ZBTB41: variants seen among roughly 807,000 people sequenced by gnomAD.
The protein encoded by ZBTB41 is zinc finger and BTB domain containing 41.
In ZBTB41, 42 loss-of-function variants were observed where a neutral mutation model predicts 87.6. The ratio of observed to expected loss-of-function variants is 0.48; its 90% CI spans 0.37 to 0.62. The LOEUF (loss-of-function observed/expected upper bound fraction) is 0.62. Among genes scored for constraint, ZBTB41 ranks in the 20% least tolerant of loss-of-function variants. The pLI is 0.00. For missense variants in ZBTB41, 799 were observed against 1,078.9 expected (o/e 0.74, Z 3.63); for synonymous variants, 364 against 364.0 (o/e 1.00, Z 0.00).
At chr1:197,196,700 T>A (rs1368430373) in intron 2 of ZBTB41, among the ~76,000 whole-genome samples, 1 of 152,206 alleles carries the variant, frequency 6.6e-6, no homozygotes, top group Non-Finnish European at 1.5e-5. Flanking sequence ...ATACAAGACA[T>A]ACAAAATCTG....
Position 197,156,417 on chromosome 1 carries a change from T to C in ZBTB41, c.*2942A>G, listed in dbSNP as rs1659070516. 1.3e-5 allele frequency: 2 copies of C among 152,188 alleles called. 1 individual carries two copies. The highest frequency in any genetic ancestry group is 4.1e-4 in the South Asian group (2 of 4,830). The allele number at this position is 152,188 out of a possible 1,614,324, so 9.4% of individuals were successfully genotyped here. A position where few individuals can be genotyped will look rare whatever the true frequency, so the allele number is the denominator to read the frequency against. Reference sequence around the variant, plus strand: ...AGATTAAGTGCTAACTGCTATCTGCTAAAAAATTAATTTAAAACAATAAAT... The same window carrying C: ...AGATTAAGTGCTAACTGCTATCTGCCAAAAAATTAATTTAAAACAATAAAT... On this transcript the variant is annotated 3_prime_UTR_variant, in exon 11 of 11. Coordinates refer to ENST00000367405, the MANE Select transcript of ZBTB41 (RefSeq NM_194314.3).
At chr1:197,168,748 T>A (rs939339202) in intron 10 of ZBTB41, among the ~76,000 whole-genome samples, 1 of 151,784 alleles carries the variant, frequency 6.6e-6, no homozygotes, top group Non-Finnish European at 1.5e-5. Flanking sequence ...AAGAAAAAAA[T>A]GGTACATGAC....
At chr1:197,188,507 G>T in intron 4 of ZBTB41, 68 bp from the exon 5 acceptor site, 1 of 1,383,194 alleles carries the variant, frequency 7.2e-7, no homozygotes, top group Non-Finnish European at 9.7e-7. Flanking sequence ...AGCTTGTAAT[G>T]AGAAGAAAAC....
intron 10 of ZBTB41, among the ~76,000 whole-genome samples, chr1:197,169,707 A>T (rs77188150): frequency 1.3e-5 from 2 of 151,786 alleles, no homozygotes; most frequent in Non-Finnish European, 2.9e-5. Flanking sequence ...ATACTTCAAT[A>T]AAAAAAAGCT....
chr1:197,198,339 T>TAATG (rs1252261830), intron 2 of ZBTB41, among the ~76,000 whole-genome samples: 5 of 152,202 alleles, frequency 3.3e-5, no homozygotes, highest in African/African-American at 1.2e-4. Context: ...TGTCAGCGTA[T>TAATG]AATGCAACAT....
At position 197,158,542 on chromosome 1, in the gene ZBTB41, GAAAT is replaced by G. The variant is rs1382479783; in HGVS notation, c.*813_*816del. On this transcript the variant is annotated 3_prime_UTR_variant, in exon 11 of 11. Transcript: ENST00000367405. ...GCTATGTTGTATTGTCAACATTTCT[GAAAT>G]AAATAGTAAAGTACAAAAGGTGAAC... is the stretch of plus-strand genomic sequence containing the variant. The G allele has an allele frequency of 6.6e-6, 1 of 152,376 alleles. No homozygotes were observed. The highest frequency in any genetic ancestry group is 1.5e-5 in the Non-Finnish European group (1 of 67,920). The allele number at this position is 152,376 out of a possible 1,614,324, so 9.4% of individuals were successfully genotyped here.
At chr1:197,169,520 A>T (rs1659428368) in intron 10 of ZBTB41, among the ~76,000 whole-genome samples, 1 of 152,066 alleles carries the variant, frequency 6.6e-6, no homozygotes, top group Non-Finnish European at 1.5e-5. Flanking sequence ...TGGTGCTATT[A>T]ATATAAGTCA....
At chr1:197,172,013 A>G (rs549352936) in intron 10 of ZBTB41, 147 bp downstream of exon 10, 131 of 323,886 alleles carry the variant, frequency 4.0e-4, no homozygotes, top group African/African-American at 2.7e-3. Context: ...CATGAACTTC[A>G]ATATAATAAG....
Position 197,191,895 on chromosome 1 carries a change from T to G in ZBTB41, c.1125A>C (p.Lys375Asn), listed in dbSNP as rs769611369. 1 of 1,582,914 alleles carries G rather than the reference T, an allele frequency of 6.3e-7. No homozygotes were observed. The highest frequency in any genetic ancestry group is 1.2e-5 in the South Asian group (1 of 83,598). ...KCDKTFDRIG[K>N]YESHTRVHTG... is the part of the protein sequence containing the mutation. ...TGTGAACACGGGTGTGGCTCTCATA[T>G]TTTCCTATAAAAAAAGAAAAATTAA... is the stretch of plus-strand genomic sequence containing the variant. Residue 375 changes from lysine (K) to asparagine (N), a missense_variant, in exon 3 of 11, where the codon AAA (lysine) becomes AAC (asparagine). Transcript: ENST00000367405.
At chr1:197,193,738 A>AT (rs1426360517) in intron 2 of ZBTB41, among the ~76,000 whole-genome samples, 9 of 152,192 alleles carry the variant, frequency 5.9e-5, no homozygotes, top group Admixed American at 4.6e-4. Context: ...ATCAGACCAA[A>AT]TACTGGGAAA....
At chr1:197,175,448 A>ATATATATATATATATATATATG (rs1197311649) in intron 8 of ZBTB41, among the ~76,000 whole-genome samples, 1 of 142,490 alleles carries the variant, frequency 7.0e-6, no homozygotes, top group African/African-American at 2.5e-5. Flanking sequence ...ATATATATAT[A>ATATATATATATATATATATATG]TGTCTGTATA....
At position 197,154,727 on chromosome 1, in the gene ZBTB41, A is replaced by G. The variant is rs1327920418; in HGVS notation, c.*4632T>C. 1 of 152,402 alleles carries G rather than the reference A, an allele frequency of 6.6e-6. No homozygotes were observed. Among genetic ancestry groups the G allele is most frequent in the Non-Finnish European group, 1.5e-5 (1 of 67,880 alleles). 9.4% of individuals were successfully genotyped at this position (152,402 alleles called of 1,614,324 possible). ...AAACCCCACATTAGAGAAATGTGGA[A>G]AAGGGTAGGATATAAGGAAGAACTG... is the stretch of plus-strand genomic sequence containing the variant. On this transcript the variant is annotated 3_prime_UTR_variant, in exon 11 of 11. Coordinates refer to ENST00000367405, the MANE Select transcript of ZBTB41 (RefSeq NM_194314.3).
rs1359202458 is a variant in ZBTB41, at chr1:197,155,407, G to A, written c.*3952C>T. ...AAAATCTATTAATCAGTACAATCTA[G>A]CCAGCAGAATCAACTCTAAGCAACT... On this transcript the variant is annotated 3_prime_UTR_variant, in exon 11 of 11. Coordinates refer to ENST00000367405, the MANE Select transcript of ZBTB41 (RefSeq NM_194314.3). The A allele has an allele frequency of 6.6e-6, 1 of 151,622 alleles. No individual in the cohort carries two copies. The highest frequency in any genetic ancestry group is 1.5e-5 in the Non-Finnish European group (1 of 67,702). 9.4% of individuals were successfully genotyped at this position (151,622 alleles called of 1,614,324 possible).
intron 10 of ZBTB41, among the ~76,000 whole-genome samples, chr1:197,165,942 G>A (rs148824922): frequency 0.014 from 2,094 of 152,236 alleles, 43 homozygotes; most frequent in African/African-American, 0.048. Flanking sequence ...CAGCCCATGG[G>A]GGGCGAGCAG....
chr1:197,192,102 C>A (rs1660052106), intron 2 of ZBTB41, among the ~76,000 whole-genome samples: 1 of 151,746 alleles, frequency 6.6e-6, no homozygotes, highest in African/African-American at 2.4e-5. Context: ...TCAAAGTGTA[C>A]TTTTCCTCAA....
intron 7 of ZBTB41, among the ~76,000 whole-genome samples, chr1:197,177,845 A>G (rs971467050): frequency 1.3e-5 from 2 of 152,144 alleles, no homozygotes; most frequent in Non-Finnish European, 2.9e-5. Flanking sequence ...AGCAAGATAA[A>G]TAATAAATGA....
intron 2 of ZBTB41, among the ~76,000 whole-genome samples, chr1:197,195,749 G>T (rs1349929626): frequency 6.6e-6 from 1 of 152,018 alleles, no homozygotes; most frequent in East Asian, 1.9e-4. Flanking sequence ...ATTTTTGCCT[G>T]TTTATCCACT....
intron 10 of ZBTB41, among the ~76,000 whole-genome samples, chr1:197,161,713 T>C (rs1030899348): frequency 4.6e-5 from 7 of 152,178 alleles, no homozygotes; most frequent in African/African-American, 1.7e-4. Flanking sequence ...ATGCCTATAA[T>C]CAGAGATAAT....
chr1:197,164,482 A>G (rs1312512847), intron 10 of ZBTB41, among the ~76,000 whole-genome samples: 1 of 151,742 alleles, frequency 6.6e-6, no homozygotes, highest in African/African-American at 2.4e-5. Flanking sequence ...AAAATAGATA[A>G]TTAAACAATA....
Sources: allele counts gnomAD v4.1 joint callset (sites outside exome capture counted in the v4.1 genomes callset), GRCh38; gene constraint gnomAD v4.1.1; transcripts MANE v1.5; gene names NCBI Gene and HGNC (gene_info 2026-07-23, HGNC 2026-07-21).